Variants in NUDT12 observed in about 807,000 individuals in gnomAD.
The protein encoded by NUDT12 is NAD-capped RNA hydrolase NUDT12.
A neutral mutation model predicts 45.7 loss-of-function variants in NUDT12; 42 were observed. The ratio of observed to expected loss-of-function variants is 0.92; its 90% CI spans 0.72 to 1.19. The LOEUF is 1.19. Among genes scored for constraint, NUDT12 ranks in the 50% most tolerant of loss-of-function variants. NUDT12 has a pLI of 0.00. For synonymous variants in NUDT12, 206 were observed against 179.7 expected, an observed-to-expected ratio of 1.15 and a Z score of -1.17; for missense variants, 590 against 533.1, an observed-to-expected ratio of 1.11 and a Z score of -1.05.
intron 6 of NUDT12, 111 bp from the exon 7 acceptor site, chr5:103,551,082 C>T (rs1442435711): frequency 1.4e-6 from 1 of 728,864 alleles, no homozygotes; most frequent in Non-Finnish European, 2.3e-6. Context: ...CAGTGAATAA[C>T]AACAGTAGAA....
At chr5:103,552,142 G>T in intron 6 of NUDT12, 75 bp downstream of exon 6, 1 of 1,174,042 alleles carries the variant, frequency 8.5e-7, no homozygotes, top group Non-Finnish European at 1.3e-6. Flanking sequence ...CTGAAAATAT[G>T]CATCCTTGCT....
At chr5:103,555,803 C>T in intron 4 of NUDT12, 128 bp downstream of exon 4, 1 of 557,490 alleles carries the variant, frequency 1.8e-6, no homozygotes, top group Non-Finnish European at 2.9e-6. Flanking sequence ...AACACTTTAA[C>T]ACATTCTTAA....
chr5:103,554,860 A>G lies in NUDT12; in HGVS notation c.965-7T>C, dbSNP rs548507218. On this transcript the variant is annotated splice_region_variant and splice_polypyrimidine_tract_variant and intron_variant, in intron 4 of 6. Transcript: ENST00000230792. ...TGCATGATTACTACTGGATCTGTTG[A>G]AAAAAAAAATCAGATACATGAATGG... is the stretch of plus-strand genomic sequence containing the variant. 2.4e-4 allele frequency: 263 copies of G among 1,107,190 alleles called. 1 individual carries two copies. The East Asian group carries it at 6.8e-3, about 29-fold the overall frequency. The allele number at this position is 1,107,190 out of a possible 1,614,324, so 68.6% of individuals were successfully genotyped here.
rs189198816 is a variant in NUDT12 at position 103,562,264 on chromosome 5, T to C, written c.-7+439A>G. ...GAATGGGACAGGACAGGACCTTAAATATCGCTCTGTCACTGAAATCACTGA... is the reference window on the plus strand; with the variant it reads ...GAATGGGACAGGACAGGACCTTAAACATCGCTCTGTCACTGAAATCACTGA... On this transcript the variant is annotated intron_variant, in intron 1 of 6. Transcript: ENST00000230792. Among the ~76,000 whole-genome samples, 9 of 152,268 alleles carry C rather than the reference T, an allele frequency of 5.9e-5. No homozygotes were observed. In the East Asian group the frequency reaches 1.7e-3, roughly 29 times the overall value.
intron 3 of NUDT12, among the ~76,000 whole-genome samples, chr5:103,557,667 C>T (rs1006644213): frequency 6.6e-6 from 1 of 152,016 alleles, no homozygotes; most frequent in Non-Finnish European, 1.5e-5. Context: ...ACCACTCCCT[C>T]CTGGAAATAC....
intron 1 of NUDT12, among the ~76,000 whole-genome samples, chr5:103,560,523 GA>G (rs1247832999): frequency 5.3e-5 from 8 of 152,204 alleles, no homozygotes; most frequent in African/African-American, 1.9e-4. Context: ...ATATCCTTGG[GA>G]GGGGGAACCA....
Position 103,555,922 on chromosome 5 carries a change from A to T in NUDT12, c.964+9T>A, listed in dbSNP as rs748049938. The T allele has an allele frequency of 6.6e-7, 1 of 1,512,222 alleles. No individual in the cohort carries two copies. Among genetic ancestry groups the T allele is most frequent in the Non-Finnish European group, 8.9e-7 (1 of 1,129,234 alleles). The allele number at this position is 1,512,222 out of a possible 1,614,324, so 93.7% of individuals were successfully genotyped here. ...TCCAGGTGGCTGAGATATAAAATAAAGGGCTTACCAACTCTTGGGTATGAG... is the reference window on the plus strand; with the variant it reads ...TCCAGGTGGCTGAGATATAAAATAATGGGCTTACCAACTCTTGGGTATGAG... On this transcript the variant is annotated intron_variant, in intron 4 of 6. Coordinates refer to ENST00000230792, the MANE Select transcript of NUDT12 (RefSeq NM_031438.4).
Position 103,559,126 on chromosome 5 carries a change from A to T in NUDT12, c.549T>A (p.Asp183Glu), listed in dbSNP as rs767108540. ...EVRLCQLNYT[D>E]IKDYLAQPEK... Reference sequence around the variant, plus strand: ...CAGGCTGGGCCAAATAATCCTTTATATCTGTGTAGTTCAGCTGACAAAGCC... The same window carrying T: ...CAGGCTGGGCCAAATAATCCTTTATTTCTGTGTAGTTCAGCTGACAAAGCC... The change falls in exon 3 of 7, where the codon GAT (aspartate) becomes GAA (glutamate). Residue 183 changes from aspartate to glutamate, a missense_variant. Physicochemically the swap from Asp to Glu is conservative, Grantham distance 45. Transcript: ENST00000230792. The T allele has an allele frequency of 6.2e-7, 1 of 1,600,606 alleles. No homozygotes were observed. The highest frequency in any genetic ancestry group is 1.1e-5 in the South Asian group (1 of 88,072).
intron 3 of NUDT12, 67 bp downstream of exon 3, chr5:103,558,812 T>C (rs993602548): frequency 2.7e-6 from 3 of 1,098,034 alleles, no homozygotes; most frequent in Admixed American, 5.7e-5. Flanking sequence ...AAAGTGCAAA[T>C]ACATACAACT....
At chr5:103,554,170 A>C (rs538479595) in intron 5 of NUDT12, among the ~76,000 whole-genome samples, 8 of 152,038 alleles carry the variant, frequency 5.3e-5, no homozygotes, top group African/African-American at 1.9e-4. Context: ...CTGACTTTCT[A>C]CTACATGTGC....
rs1215262391 is a variant in NUDT12, at chr5:103,550,085, A to G, written c.*776T>C. 2.0e-5 allele frequency: 3 copies of G among 152,182 alleles called. No homozygotes were observed. The highest frequency in any genetic ancestry group is 4.4e-5 in the Non-Finnish European group (3 of 68,026). The allele number at this position is 152,182 out of a possible 1,614,324, so 9.4% of individuals were successfully genotyped here. A position where few individuals can be genotyped will look rare whatever the true frequency, so the allele number is the denominator to read the frequency against. On this transcript the variant is annotated 3_prime_UTR_variant, in exon 7 of 7. Coordinates refer to ENST00000230792, the MANE Select transcript of NUDT12 (RefSeq NM_031438.4). ...TCCTTTCAAGTTTAATTTCAGTGCA[A>G]AAGCAGAGAATCTTGGTTTGTCTTA...
In NUDT12 at chr5:103,550,056, G is replaced by A. The variant is rs1029283833; in HGVS notation, c.*805C>T. The A allele has an allele frequency of 1.3e-5, 2 of 152,144 alleles. No homozygotes were observed. The highest frequency in any genetic ancestry group is 2.9e-5 in the Non-Finnish European group (2 of 68,014). 9.4% of individuals were successfully genotyped at this position (152,144 alleles called of 1,614,324 possible). On this transcript the variant is annotated 3_prime_UTR_variant, in exon 7 of 7. Coordinates refer to ENST00000230792, the MANE Select transcript of NUDT12 (RefSeq NM_031438.4). ...TTATTTAATATCCGACCTTTGAGGA[G>A]AATTCCTTTCAAGTTTAATTTCAGT... is the stretch of plus-strand genomic sequence containing the variant.
At chr5:103,556,497 C>G (rs1212554487) in intron 3 of NUDT12, among the ~76,000 whole-genome samples, 1 of 151,920 alleles carries the variant, frequency 6.6e-6, no homozygotes, top group Non-Finnish European at 1.5e-5. Flanking sequence ...GATTTGTACT[C>G]TAAAGGAAAT....
chr5:103,554,755 C>A lies in NUDT12; in HGVS notation c.1063G>T (p.Gly355Ter). 1 of 1,472,338 alleles carries A rather than the reference C, an allele frequency of 6.8e-7. No individual in the cohort carries two copies. The highest frequency in any genetic ancestry group is 9.1e-7 in the Non-Finnish European group (1 of 1,093,440). 91.2% of individuals were successfully genotyped at this position (1,472,338 alleles called of 1,614,324 possible). Residue 355 changes from glycine (G) to a stop codon, truncating the protein, a stop_gained, in exon 5 of 7, where the codon GGA becomes TGA. Coordinates refer to ENST00000230792, the MANE Select transcript of NUDT12 (RefSeq NM_031438.4). LOFTEE classifies it high-confidence loss of function. ...FPPGMFTCLA[G>*]FIEPGETIED... is the part of the protein sequence containing the mutation. ...AATGGCTTACCAGGCTCAATAAATC[C>A]AGCAAGGCAAGTAAACATGCCTGGG...
chr5:103,562,163 A>C (rs1749052259), intron 1 of NUDT12, among the ~76,000 whole-genome samples: 1 of 152,158 alleles, frequency 6.6e-6, no homozygotes, highest in Non-Finnish European at 1.5e-5. Context: ...AAGGGACATA[A>C]ATTTTTAACA....
rs1748582758 is a variant in NUDT12 at position 103,549,359 on chromosome 5, T to G, written c.*1502A>C. 1 of 152,014 alleles carries G rather than the reference T, an allele frequency of 6.6e-6. No homozygotes were observed. Among genetic ancestry groups the G allele is most frequent in the African/African-American group, 2.4e-5 (1 of 41,466 alleles). The allele number at this position is 152,014 out of a possible 1,614,324, so 9.4% of individuals were successfully genotyped here. On this transcript the variant is annotated 3_prime_UTR_variant, in exon 7 of 7. Coordinates refer to ENST00000230792, the MANE Select transcript of NUDT12 (RefSeq NM_031438.4). ...TCCTAAGAAAATCACTGCTCATTAG[T>G]AAAATAAAGTTTTATCTGACAGTTA...
intron 5 of NUDT12, among the ~76,000 whole-genome samples, chr5:103,552,869 G>A (rs995520732): frequency 4.0e-5 from 6 of 151,820 alleles, no homozygotes; most frequent in Non-Finnish European, 8.8e-5. Flanking sequence ...ACTCTTTTCA[G>A]GTCATTACAA....
rs34468716 is a variant in NUDT12, at chr5:103,558,972, T to C, written c.703A>G (p.Ile235Val). 0.1 allele frequency: 167,043 copies of C among 1,612,722 alleles called. 9,764 individuals carry two copies. The highest frequency in any genetic ancestry group is 0.12 in the Non-Finnish European group (143,295 of 1,179,132). ...VAWFALGIDP[I>V]AAEEFKQRHE... ...CTTTGCTTGAATTCTTCAGCAGCAA[T>C]AGGATCTATACCTAGAGCAAACCAG... Residue 235 changes from isoleucine (I) to valine (V), a missense_variant, in exon 3 of 7, where the codon ATT (isoleucine) becomes GTT (valine). Coordinates refer to ENST00000230792, the MANE Select transcript of NUDT12 (RefSeq NM_031438.4).
chr5:103,560,162 T>A lies in NUDT12; in HGVS notation c.87A>T (p.Thr29=), dbSNP rs768517376. The change falls in exon 2 of 7, where the codon ACA becomes ACT. Residue 29 remains threonine (T), a synonymous_variant. Coordinates refer to ENST00000230792, the MANE Select transcript of NUDT12 (RefSeq NM_031438.4). ...GAGATGGAGAATGACTGAGTATTCC[T>A]GTTAACTTGGCAATATCTCCTTCAG... is the stretch of plus-strand genomic sequence containing the variant. ...SAAEGDIAKL[T]GILSHSPSLL... The A allele has an allele frequency of 3.2e-5, 51 of 1,613,598 alleles. No individual in the cohort carries two copies. The South Asian group carries it at 5.6e-4, about 18-fold the overall frequency.
Sources: allele counts gnomAD v4.1 joint callset (sites outside exome capture counted in the v4.1 genomes callset), GRCh38; gene constraint gnomAD v4.1.1; transcripts MANE v1.5; gene names NCBI Gene and HGNC (gene_info 2026-07-23, HGNC 2026-07-21).